The following CLCN7 variants were observed in gnomAD, a reference collection of about 807,000 sequenced individuals.
The protein encoded by CLCN7 is H(+)/Cl(-) exchange transporter 7.
CLCN7 carries 60 observed loss-of-function variants against 102.1 expected under a neutral mutation model. The observed-to-expected ratio is 0.59, with a 90% CI of 0.48 to 0.73. The LOEUF (loss-of-function observed/expected upper bound fraction) is 0.73. Among genes scored for constraint, CLCN7 ranks in the 30% least tolerant of loss-of-function variants. CLCN7 has a pLI of 0.00. For missense variants in CLCN7, 962 were observed against 1,125.7 expected (o/e 0.85, Z 2.08); for synonymous variants, 560 against 490.5 (o/e 1.14, Z -1.87).
rs1256914481 is a variant in CLCN7 at position 1,474,831 on chromosome 16, C to A, written c.141+3G>T. The A allele has an allele frequency of 1.5e-6, 2 of 1,352,944 alleles. No homozygotes were observed. The highest frequency in any genetic ancestry group is 3.5e-5 in the South Asian group (2 of 57,702). The allele number at this position is 1,352,944 out of a possible 1,614,324, so 83.8% of individuals were successfully genotyped here. A position where few individuals can be genotyped will look rare whatever the true frequency, so the allele number is the denominator to read the frequency against. On this transcript the variant is annotated splice_donor_region_variant and intron_variant, in intron 1 of 24. Coordinates refer to ENST00000382745, the MANE Select transcript of CLCN7 (RefSeq NM_001287.6). ...TCCCCGCCTGCGCCCTGCCCGGCCT[C>A]ACCTGGCGCGCAGCCCCAGGCCCAG...
chr16:1,473,370 CTTTTTTTTTTTTTT>C lies in CLCN7; in HGVS notation c.141+1450_141+1463del, dbSNP rs779736867. Among the ~76,000 whole-genome samples, 28 of 76,702 alleles carry C rather than the reference CTTTTTTTTTTTTTT, an allele frequency of 3.7e-4. 1 individual carries two copies. In the East Asian group the frequency reaches 0.012, roughly 32 times the overall value. 50.3% of individuals were successfully genotyped at this position (76,702 alleles called of 152,430 possible). On this transcript the variant is annotated intron_variant, in intron 1 of 24. Transcript: ENST00000382745. ...GGCTGATTTTCGTGTCCTTCCTAAA[CTTTTTTTTTTTTTT>C]TTTTTTTTTTGAGACGGAGTCTCGC...
Position 1,471,000 on chromosome 16 carries a change from G to A in CLCN7, c.141+3834C>T, listed in dbSNP as rs928909611. 4.7e-4 allele frequency among the ~76,000 whole-genome samples: 72 copies of A among 152,214 alleles called. 1 individual carries two copies. Among genetic ancestry groups the A allele is most frequent in the East Asian group, 2.3e-3 (12 of 5,176 alleles). ...TTCTCAAGGAGTTCTGCTTCCTGCC[G>A]CCCACACACGGCCAGGGCTGGCTGA... On this transcript the variant is annotated intron_variant, in intron 1 of 24. Coordinates refer to ENST00000382745, the MANE Select transcript of CLCN7 (RefSeq NM_001287.6).
At position 1,457,648 on chromosome 16, in the gene CLCN7, C is replaced by T. The variant is rs186914058; in HGVS notation, c.738+46G>A. On this transcript the variant is annotated intron_variant, in intron 8 of 24. Transcript: ENST00000382745. This position sits in a 1 kb window ranked among gnomAD's most constrained non-coding sequence, Gnocchi z 5.4. ...ATGGGCGTGGCGGCCCTCGCGGGCC[C>T]GGCGGCCTCAGGCTCCAGCTGGAGT... The T allele has an allele frequency of 4.6e-4, 744 of 1,603,064 alleles. No homozygotes were observed. The highest frequency in any genetic ancestry group is 5.7e-4 in the Non-Finnish European group (663 of 1,172,214).
At chr16:1,450,146 G>A (rs1440769995) in intron 17 of CLCN7, 1 of 359,836 alleles carries the variant, frequency 2.8e-6, no homozygotes, top group African/African-American at 2.1e-5. Context: ...CGGCCTCACA[G>A]AGAGCAGCCC....
At chr16:1,449,394 C>G in intron 17 of CLCN7, 67 bp from the exon 18 acceptor site, 2 of 1,484,860 alleles carry the variant, frequency 1.3e-6, no homozygotes, top group Middle Eastern at 1.7e-4. Flanking sequence ...GATACACAGA[C>G]GGAGGAGGCC....
chr16:1,447,749 C>T (rs980993873), intron 21 of CLCN7, 35 bp from the exon 22 acceptor site: 54 of 1,546,766 alleles, frequency 3.5e-5, no homozygotes, highest in African/African-American at 2.5e-4. Flanking sequence ...GCCACGGGCC[C>T]GAGGGTGGGA....
intron 1 of CLCN7, among the ~76,000 whole-genome samples, chr16:1,473,515 A>G (rs2142408420): frequency 6.6e-6 from 1 of 150,742 alleles, no homozygotes; most frequent in Middle Eastern, 3.4e-3. Flanking sequence ...CTGGGACTAC[A>G]GGCGCCCGCC....
In CLCN7 at chr16:1,453,821, G is replaced by C; in HGVS notation, c.1214+13C>G. 1 of 1,612,790 alleles carries C rather than the reference G, an allele frequency of 6.2e-7. No homozygotes were observed. The highest frequency in any genetic ancestry group is 8.5e-7 in the Non-Finnish European group (1 of 1,179,520). On this transcript the variant is annotated intron_variant, in intron 14 of 24. Transcript: ENST00000382745. ...CGCCTGCCAACGCGATATGCAATGC[G>C]GTTTCTCCTCACCTGATTCGAAACA...
chr16:1,474,167 G>T, intron 1 of CLCN7: 1 of 456,114 alleles, frequency 2.2e-6, no homozygotes, highest in South Asian at 1.5e-5. Context: ...ACACTGCTCA[G>T]ACGCACGCTG....
In CLCN7 at chr16:1,457,704, G is replaced by T; in HGVS notation, c.728C>A (p.Ala243Asp). 1 of 1,613,802 alleles carries T rather than the reference G, an allele frequency of 6.2e-7. No homozygotes were observed. The highest frequency in any genetic ancestry group is 8.5e-7 in the Non-Finnish European group (1 of 1,180,018). The change falls in exon 8 of 25, where the codon GCC (alanine) becomes GAC (aspartate). Residue 243 changes from alanine (A) to aspartate (D), a missense_variant. Physicochemically the swap from Ala to Asp is moderately radical, Grantham distance 126 (BLOSUM62 -2). Transcript: ENST00000382745. This position sits in a 1 kb window ranked among gnomAD's most constrained non-coding sequence, Gnocchi z 5.4. ...TGTGCACTTTGTTACCTTTCCCACG[G>T]CCAGGCCCCCGACCACGGACAGGAT... ...GVILSVVGGL[A>D]VGKEGPMIHS...
intron 9 of CLCN7, among the ~76,000 whole-genome samples, chr16:1,456,736 G>A (rs2038841027): frequency 6.6e-6 from 1 of 151,898 alleles, no homozygotes; most frequent in African/African-American, 2.4e-5. Context: ...AGCTACTCGG[G>A]ATGCTGAGGC....
Position 1,446,538 on chromosome 16 carries a change from G to T in CLCN7, c.*93C>A. On this transcript the variant is annotated 3_prime_UTR_variant, in exon 25 of 25. Coordinates refer to ENST00000382745, the MANE Select transcript of CLCN7 (RefSeq NM_001287.6). ...TGCTCGCCATTGCCACTGCTGGGGA[G>T]CATGGTTTGGGCCGAGAAACCAGTG... is the stretch of plus-strand genomic sequence containing the variant. 2 of 1,183,834 alleles carry T rather than the reference G, an allele frequency of 1.7e-6. No homozygotes were observed. Among genetic ancestry groups the T allele is most frequent in the Non-Finnish European group, 2.5e-6 (2 of 815,656 alleles). 73.3% of individuals were successfully genotyped at this position (1,183,834 alleles called of 1,614,324 possible). A position where few individuals can be genotyped will look rare whatever the true frequency, so the allele number is the denominator to read the frequency against.
Position 1,448,349 on chromosome 16 carries a change from C to G in CLCN7, c.2013+6G>C. On this transcript the variant is annotated splice_donor_region_variant and intron_variant, in intron 21 of 24. Coordinates refer to ENST00000382745, the MANE Select transcript of CLCN7 (RefSeq NM_001287.6). ...GGCAGGACCCTGTCTATGGGGTGCC[C>G]GGTACCTGGGTGTCATCGGCATGCT... is the stretch of plus-strand genomic sequence containing the variant. The G allele has an allele frequency of 6.2e-7, 1 of 1,612,712 alleles. No individual in the cohort carries two copies. Among genetic ancestry groups the G allele is most frequent in the South Asian group, 1.1e-5 (1 of 91,078 alleles).
rs1410701535 is a variant in CLCN7, at chr16:1,454,439, G to C, written c.1125C>G (p.Ile375Met). 6.2e-7 allele frequency: 1 copy of C among 1,613,750 alleles called. No individual in the cohort carries two copies. Among genetic ancestry groups the C allele is most frequent in the South Asian group, 1.1e-5 (1 of 91,090 alleles). The change falls in exon 13 of 25, where the codon ATC becomes ATG. Residue 375 changes from isoleucine to methionine, a missense_variant. Coordinates refer to ENST00000382745, the MANE Select transcript of CLCN7 (RefSeq NM_001287.6). Reference protein sequence around the residue: ...SEKMAYTIHEIPVFIAMGVVG... With the variant: ...SEKMAYTIHEMPVFIAMGVVG... ...CCACGCCCATGGCGATGAAGACCGG[G>C]ATCTCGTGGATCGTGTAGGCCATTT...
chr16:1,448,249 C>T, intron 21 of CLCN7, 106 bp downstream of exon 21: 1 of 1,478,538 alleles, frequency 6.8e-7, no homozygotes, highest in South Asian at 1.2e-5. Context: ...TGCCAGTGCA[C>T]CCAAACGTGC....
chr16:1,451,744 G>A, intron 15 of CLCN7, 28 bp from the exon 16 acceptor site: 1 of 1,588,152 alleles, frequency 6.3e-7, no homozygotes, highest in Non-Finnish European at 8.6e-7. Context: ...AGCACACGTT[G>A]GGAGGGGAGA....
In CLCN7 at chr16:1,457,579, C is replaced by T. The variant is rs572530527; in HGVS notation, c.738+115G>A. ...CCGGTGCTCAGAGACACGCGTGACG[C>T]GGCCCTTCCTGGAGACCAGAAGGAC... On this transcript the variant is annotated intron_variant, in intron 8 of 24. Coordinates refer to ENST00000382745, the MANE Select transcript of CLCN7 (RefSeq NM_001287.6). This position sits in a 1 kb window ranked among gnomAD's most constrained non-coding sequence, Gnocchi z 5.4. The T allele has an allele frequency of 1.6e-3, 1,618 of 990,448 alleles. 41 individuals carry two copies. In the South Asian group the frequency reaches 0.021, roughly 13 times the overall value. The allele number at this position is 990,448 out of a possible 1,614,324, so 61.4% of individuals were successfully genotyped here.
rs553392110 is a variant in CLCN7 at position 1,465,558 on chromosome 16, G to A, written c.142-220C>T. ...TCCGGCTGCCCCTCGGCCTGTCAGCGACACGTCCAGCCCGAGTCCAGGGCG... is the reference window on the plus strand; with the variant it reads ...TCCGGCTGCCCCTCGGCCTGTCAGCAACACGTCCAGCCCGAGTCCAGGGCG... On this transcript the variant is annotated intron_variant, in intron 1 of 24. Transcript: ENST00000382745. Among the ~76,000 whole-genome samples, 36 of 152,306 alleles carry A rather than the reference G, an allele frequency of 2.4e-4. No individual in the cohort carries two copies. The East Asian group carries it at 3.5e-3, about 15-fold the overall frequency.
At chr16:1,450,281 G>T (rs1031586829) in intron 17 of CLCN7, 12 of 554,402 alleles carry the variant, frequency 2.2e-5, no homozygotes, top group Non-Finnish European at 4.0e-5. Flanking sequence ...GCCTGGTCCA[G>T]ACTCCACACA....
Sources: allele counts gnomAD v4.1 joint callset (sites outside exome capture counted in the v4.1 genomes callset), GRCh38; gene constraint gnomAD v4.1.1; non-coding constraint Gnocchi (gnomAD v3.1); transcripts MANE v1.5; gene names NCBI Gene and HGNC (gene_info 2026-07-23, HGNC 2026-07-21).